The following CCDC27 variants were observed in gnomAD, a reference collection of about 807,000 sequenced individuals.
CCDC27 encodes coiled-coil domain-containing protein 27.
In CCDC27, 80 loss-of-function variants were observed where a neutral mutation model predicts 80.3. That is an observed-to-expected ratio of 1.00 (90% CI 0.83 to 1.20). The LOEUF (loss-of-function observed/expected upper bound fraction) is 1.20. Among genes scored for constraint, CCDC27 ranks in the 50% most tolerant of loss-of-function variants. The pLI, the probability that CCDC27 is intolerant of heterozygous loss-of-function variation, is 0.00. For missense variants in CCDC27, 815 were observed against 809.4 expected (o/e 1.01, Z -0.08); for synonymous variants, 342 against 334.3 (o/e 1.02, Z -0.25).
rs1390631616 is a variant in CCDC27, at chr1:3,769,920, G to A, written c.1848+33G>A. ...CCTAAGCTCAGCTGCCTCTATCCGG[G>A]CCCCAGACCCCCAGGCCAGAGCTGT... On this transcript the variant is annotated intron_variant, in intron 11 of 11. Coordinates refer to ENST00000294600, the MANE Select transcript of CCDC27 (RefSeq NM_152492.3). The surrounding 1 kb of genome is among the most constrained non-coding windows in gnomAD (Gnocchi z 4.6). 14 of 1,529,028 alleles carry A rather than the reference G, an allele frequency of 9.2e-6. No individual in the cohort carries two copies. The highest frequency in any genetic ancestry group is 1.2e-5 in the Non-Finnish European group (13 of 1,102,604). The allele number at this position is 1,529,028 out of a possible 1,614,324, so 94.7% of individuals were successfully genotyped here.
At chr1:3,759,334 T>C (rs1487072954) in intron 4 of CCDC27, among the ~76,000 whole-genome samples, 1 of 152,234 alleles carries the variant, frequency 6.6e-6, no homozygotes, top group East Asian at 1.9e-4. Context: ...CACATAAGAT[T>C]TTTTATGTAT....
chr1:3,763,128 AC>A lies in CCDC27; in HGVS notation c.977del (p.Pro326ArgfsTer34). 6.8e-7 allele frequency: 1 copy of A among 1,479,644 alleles called. No homozygotes were observed. Among genetic ancestry groups the A allele is most frequent in the Non-Finnish European group, 9.0e-7 (1 of 1,115,048 alleles). The allele number at this position is 1,479,644 out of a possible 1,614,324, so 91.7% of individuals were successfully genotyped here. ...TACAGATGCAGGAGGAGTCTGCGGC[AC>A]CGGAGAGGGGCAAGGAGCCCGACCT... The part of the protein sequence containing the change: ...WWQMQEESAA[P>X]ERGKEPDLGG... On this transcript the variant is annotated frameshift_variant, in exon 7 of 12. Transcript: ENST00000294600. LOFTEE classifies it high-confidence loss of function. This position sits in a 1 kb window ranked among gnomAD's most constrained non-coding sequence, Gnocchi z 7.5.
rs774182371 is a variant in CCDC27, at chr1:3,766,662, G to A, written c.1530+50G>A. 4.0e-6 allele frequency: 6 copies of A among 1,504,472 alleles called. No individual in the cohort carries two copies. The highest frequency in any genetic ancestry group is 4.6e-6 in the Non-Finnish European group (5 of 1,084,424). The allele number at this position is 1,504,472 out of a possible 1,614,324, so 93.2% of individuals were successfully genotyped here. A position where few individuals can be genotyped will look rare whatever the true frequency, so the allele number is the denominator to read the frequency against. On this transcript the variant is annotated intron_variant, in intron 9 of 11. Coordinates refer to ENST00000294600, the MANE Select transcript of CCDC27 (RefSeq NM_152492.3). This position sits in a 1 kb window ranked among gnomAD's most constrained non-coding sequence, Gnocchi z 6.1. ...GATCAGCCAGGCCACTGTTCTTACT[G>A]TAAGTCCCAACACAGCAAAGGGCAA...
In CCDC27 at chr1:3,768,467, C is replaced by T. The variant is rs540735101; in HGVS notation, c.1743+1022C>T. Among the ~76,000 whole-genome samples, 38 of 152,136 alleles carry T rather than the reference C, an allele frequency of 2.5e-4. No homozygotes were observed. The highest frequency in any genetic ancestry group is 4.7e-4 in the Non-Finnish European group (32 of 68,016). On this transcript the variant is annotated intron_variant, in intron 10 of 11. Coordinates refer to ENST00000294600, the MANE Select transcript of CCDC27 (RefSeq NM_152492.3). The surrounding 1 kb of genome is among the most constrained non-coding windows in gnomAD (Gnocchi z 5.6). ...GTATGGAGGCTTTTGAAGTCAGGTT[C>T]CCACCAGAAATGCCAACTGCAACTC... is the stretch of plus-strand genomic sequence containing the variant.
At chr1:3,758,282 G>A (rs953182430) in intron 4 of CCDC27, among the ~76,000 whole-genome samples, 7 of 150,254 alleles carry the variant, frequency 4.7e-5, no homozygotes, top group African/African-American at 1.2e-4. Flanking sequence ...TCTGCCTCCC[G>A]GGTTCAAGCA....
Position 3,756,903 on chromosome 1 carries a change from G to A in CCDC27, c.711+13G>A, listed in dbSNP as rs1188771996. The A allele has an allele frequency of 1.2e-6, 2 of 1,605,442 alleles. No individual in the cohort carries two copies. The highest frequency in any genetic ancestry group is 2.2e-5 in the East Asian group (1 of 44,712). ...CATCCACGAGAAGGTACTGGCGGAG[G>A]GGGTGCAAATCCCGGCCCCCCACCC... On this transcript the variant is annotated intron_variant, in intron 4 of 11. Transcript: ENST00000294600.
In CCDC27 at chr1:3,769,951, G is replaced by A. The variant is rs1253423135; in HGVS notation, c.1848+64G>A. The A allele has an allele frequency of 7.9e-6, 9 of 1,137,354 alleles. No homozygotes were observed. Among genetic ancestry groups the A allele is most frequent in the Non-Finnish European group, 1.2e-5 (9 of 746,812 alleles). 70.5% of individuals were successfully genotyped at this position (1,137,354 alleles called of 1,614,324 possible). A position where few individuals can be genotyped will look rare whatever the true frequency, so the allele number is the denominator to read the frequency against. The stretch of plus-strand genomic sequence containing the variant: ...GACCCCCAGGCCAGAGCTGTGGTAG[G>A]GGGTTGTGGGGGGCCTAGATTCCAG... On this transcript the variant is annotated intron_variant, in intron 11 of 11. Transcript: ENST00000294600. This position sits in a 1 kb window ranked among gnomAD's most constrained non-coding sequence, Gnocchi z 4.6.
chr1:3,760,112 G>A lies in CCDC27; in HGVS notation c.712-1169G>A, dbSNP rs147233139. 2.7e-3 allele frequency among the ~76,000 whole-genome samples: 413 copies of A among 152,264 alleles called. 1 individual carries two copies. Among genetic ancestry groups the A allele is most frequent in the African/African-American group, 9.5e-3 (396 of 41,540 alleles). ...AACTCGGCAGCTCTAACAGGAAATC[G>A]GATCTCCCTTCCAGCAGTCCTTGCA... On this transcript the variant is annotated intron_variant, in intron 4 of 11. Transcript: ENST00000294600. This position sits in a 1 kb window ranked among gnomAD's most constrained non-coding sequence, Gnocchi z 4.3.
rs1369159496 is a variant in CCDC27 at position 3,755,461 on chromosome 1, AC to A, written c.450del (p.Thr151LeufsTer59). 5 of 1,613,846 alleles carry A rather than the reference AC, an allele frequency of 3.1e-6. No individual in the cohort carries two copies. Among genetic ancestry groups the A allele is most frequent in the Non-Finnish European group, 4.2e-6 (5 of 1,179,852 alleles). Reference protein sequence around the residue: ...RATSMSHCGSPTEADLSGEID... With the variant: ...RATSMSHCGSXTEADLSGEID... ...GGCATCTTTAACACTCTACAGGTTC[AC>A]CCACTGAGGCCGATTTGTCCGGAGA... On this transcript the variant is annotated frameshift_variant, in exon 3 of 12. Coordinates refer to ENST00000294600, the MANE Select transcript of CCDC27 (RefSeq NM_152492.3). LOFTEE classifies it high-confidence loss of function.
rs1643246902 is a variant in CCDC27 at position 3,767,219 on chromosome 1, C to T, written c.1531-14C>T. Reference sequence around the variant, plus strand: ...AAATGACCCCACCTCTTTTTTCTCCCCGGCTGTCCCCAGCAAGTGTCGGAA... The same window carrying T: ...AAATGACCCCACCTCTTTTTTCTCCTCGGCTGTCCCCAGCAAGTGTCGGAA... On this transcript the variant is annotated splice_polypyrimidine_tract_variant and intron_variant, in intron 9 of 11. Coordinates refer to ENST00000294600, the MANE Select transcript of CCDC27 (RefSeq NM_152492.3). 1.9e-6 allele frequency: 3 copies of T among 1,611,452 alleles called. No homozygotes were observed. Among genetic ancestry groups the T allele is most frequent in the South Asian group, 1.1e-5 (1 of 90,884 alleles).
Position 3,767,432 on chromosome 1 carries a change from G to C in CCDC27, c.1730G>C (p.Ser577Thr), listed in dbSNP as rs575583360. Reference sequence around the variant, plus strand: ...CAGCACACCCGCGTGGCCCTGGAGAGCTCCCAGTCCAGGGTATGCCCAGCC... The same window carrying C: ...CAGCACACCCGCGTGGCCCTGGAGACCTCCCAGTCCAGGGTATGCCCAGCC... ...AEQHTRVALE[S>T]SQSRLERLRN... The change falls in exon 10 of 12, where the codon AGC (serine) becomes ACC (threonine). Residue 577 changes from serine (S) to threonine (T), a missense_variant. Ser to Thr is a moderately conservative substitution (Grantham distance 58). Coordinates refer to ENST00000294600, the MANE Select transcript of CCDC27 (RefSeq NM_152492.3). 1 of 1,612,272 alleles carries C rather than the reference G, an allele frequency of 6.2e-7. No homozygotes were observed. The highest frequency in any genetic ancestry group is 8.5e-7 in the Non-Finnish European group (1 of 1,179,596).
intron 11 of CCDC27, among the ~76,000 whole-genome samples, chr1:3,771,195 C>T (rs1250115502): frequency 5.3e-5 from 8 of 152,154 alleles, no homozygotes; most frequent in African/African-American, 1.4e-4. Context: ...AAACTGGCAA[C>T]GCCACAAAGC....
rs185618054 is a variant in CCDC27 at position 3,768,154 on chromosome 1, G to A, written c.1743+709G>A. On this transcript the variant is annotated intron_variant, in intron 10 of 11. Transcript: ENST00000294600. The surrounding 1 kb of genome is among the most constrained non-coding windows in gnomAD (Gnocchi z 5.6). ...CTGTCATCCAGTCTGGAGTGCAGTG[G>A]GGTGATAACAGCTCACTGCAGCCTT... Among the ~76,000 whole-genome samples the A allele has an allele frequency of 6.6e-6, 1 of 151,120 alleles. No homozygotes were observed.
intron 11 of CCDC27, 23 bp from the exon 12 acceptor site, chr1:3,771,378 C>T (rs1260362493): frequency 6.2e-7 from 1 of 1,613,520 alleles, no homozygotes; most frequent in Non-Finnish European, 8.5e-7. Flanking sequence ...AAGGCCACCT[C>T]GACGGCTGTG....
chr1:3,759,878 C>T (rs1415980366), intron 4 of CCDC27, among the ~76,000 whole-genome samples: 1 of 152,194 alleles, frequency 6.6e-6, no homozygotes, highest in South Asian at 2.1e-4. Flanking sequence ...GTTATTCATG[C>T]AGGCAGCAGG....
Position 3,767,218 on chromosome 1 carries a change from C to G in CCDC27, c.1531-15C>G. The G allele has an allele frequency of 6.2e-7, 1 of 1,611,046 alleles. No individual in the cohort carries two copies. Among genetic ancestry groups the G allele is most frequent in the South Asian group, 1.1e-5 (1 of 90,882 alleles). ...GAAATGACCCCACCTCTTTTTTCTC[C>G]CCGGCTGTCCCCAGCAAGTGTCGGA... On this transcript the variant is annotated splice_polypyrimidine_tract_variant and intron_variant, in intron 9 of 11. Transcript: ENST00000294600.
chr1:3,754,136 G>T lies in CCDC27; in HGVS notation c.337G>T (p.Ala113Ser), dbSNP rs560903163. Residue 113 changes from alanine (A) to serine (S), a missense_variant, in exon 2 of 12, where the codon GCC becomes TCC. Ala to Ser is a moderately conservative substitution (Grantham distance 99, BLOSUM62 1). Transcript: ENST00000294600. ...CTGCCAGAGTGAACCCAAGGATGCC[G>T]CCAGCCTCACCGGCTTCATGTCCAA... ...YRKTSEPKDA[A>S]SLTGFMSKME... 6.8e-6 allele frequency: 11 copies of T among 1,613,482 alleles called. No individual in the cohort carries two copies. The highest frequency in any genetic ancestry group is 7.6e-6 in the Non-Finnish European group (9 of 1,179,792).
intron 1 of CCDC27, among the ~76,000 whole-genome samples, chr1:3,753,365 C>A (rs1167618154): frequency 1.8e-4 from 27 of 150,288 alleles, no homozygotes; most frequent in Non-Finnish European, 3.2e-4. Context: ...CTCTTGTCAC[C>A]CGGGCTGGAG....
chr1:3,762,296 G>C (rs777502342), intron 5 of CCDC27, among the ~76,000 whole-genome samples: 1 of 152,176 alleles, frequency 6.6e-6, no homozygotes, highest in Non-Finnish European at 1.5e-5. Context: ...CTGCTGGGTG[G>C]GTGTCTGAGG....
Sources: gnomAD v4.1 joint callset for allele counts (sites outside exome capture counted in the v4.1 genomes callset) on GRCh38, gnomAD v4.1.1 for gene constraint, Gnocchi (gnomAD v3.1) non-coding constraint, MANE v1.5 for transcripts, NCBI Gene and HGNC (gene_info 2026-07-23, HGNC 2026-07-21) for gene names.